Variants in PCDH9 observed in about 807,000 individuals in gnomAD.
PCDH9 encodes protocadherin-9.
Under a neutral mutation model 70.6 loss-of-function variants are expected in PCDH9, and 24 were observed. The ratio of observed to expected loss-of-function variants is 0.34; its 90% CI spans 0.25 to 0.48. The LOEUF (loss-of-function observed/expected upper bound fraction) is 0.48. Ranked by LOEUF, PCDH9 falls within the 20% of genes least tolerant of loss-of-function variation. PCDH9 has a pLI of 0.99. For missense variants in PCDH9, 1,281 were observed against 1,503.6 expected, an observed-to-expected ratio of 0.85 and a Z score of 2.45; for synonymous variants, 562 against 558.5, an observed-to-expected ratio of 1.01 and a Z score of -0.09.
chr13:66,577,795 G>T (rs1440714249), intron 4 of PCDH9, among the ~76,000 whole-genome samples: 1 of 151,960 alleles, frequency 6.6e-6, no homozygotes, highest in East Asian at 1.9e-4. Flanking sequence ...CTTTGACTGA[G>T]GATTCAGATG....
intron 3 of PCDH9, among the ~76,000 whole-genome samples, chr13:66,884,952 T>C (rs1475597323): frequency 6.6e-6 from 1 of 152,210 alleles, no homozygotes; most frequent in Admixed American, 6.5e-5. Context: ...GCCTGAATAT[T>C]ATTTCTGGTT....
chr13:66,622,322 T>C lies in PCDH9; in HGVS notation c.3340+8888A>G, dbSNP rs1294580627. Reference sequence around the variant, plus strand: ...CCAGTCCCATCGACCACCCAAGGGCTGAGGAGTACAGGCCCACAGCGTGGG... The same window carrying C: ...CCAGTCCCATCGACCACCCAAGGGCCGAGGAGTACAGGCCCACAGCGTGGG... On this transcript the variant is annotated intron_variant, in intron 4 of 4. Transcript: ENST00000377865. 5.9e-5 allele frequency among the ~76,000 whole-genome samples: 9 copies of C among 152,268 alleles called. No individual in the cohort carries two copies. The East Asian group carries it at 1.7e-3, about 30-fold the overall frequency.
intron 4 of PCDH9, among the ~76,000 whole-genome samples, chr13:66,492,307 A>G (rs889737223): frequency 6.6e-6 from 1 of 151,840 alleles, no homozygotes; most frequent in Non-Finnish European, 1.5e-5. Flanking sequence ...TCTTACATAG[A>G]CAGAAATCTC....
At chr13:66,950,275 A>G (rs1443074503) in intron 2 of PCDH9, among the ~76,000 whole-genome samples, 1 of 152,150 alleles carries the variant, frequency 6.6e-6, no homozygotes, top group African/African-American at 2.4e-5. Flanking sequence ...GAGCAAAATC[A>G]GATAGAAGAA....
At chr13:66,707,552 A>C (rs1432790820) in intron 3 of PCDH9, among the ~76,000 whole-genome samples, 1 of 152,248 alleles carries the variant, frequency 6.6e-6, no homozygotes, top group East Asian at 1.9e-4. Context: ...AAATGAGATT[A>C]CATAGGCGCT....
At chr13:67,158,432 G>T (rs2087869175) in intron 2 of PCDH9, among the ~76,000 whole-genome samples, 1 of 152,148 alleles carries the variant, frequency 6.6e-6, no homozygotes, top group South Asian at 2.1e-4. Flanking sequence ...GAATTTGTTT[G>T]TTGAAGCCTA....
rs181977168 is a variant in PCDH9, at chr13:66,983,781, G to A, written c.3037-80176C>T. 3.2e-3 allele frequency among the ~76,000 whole-genome samples: 489 copies of A among 151,946 alleles called. 6 individuals are homozygous for A. The highest frequency in any genetic ancestry group is 0.011 in the African/African-American group (466 of 41,458). ...TTGTTATGCAGATTATTTTGTGACCGAGGAGGTGCTAAGCCTAGTACCCAA... is the reference window on the plus strand; with the variant it reads ...TTGTTATGCAGATTATTTTGTGACCAAGGAGGTGCTAAGCCTAGTACCCAA... On this transcript the variant is annotated intron_variant, in intron 2 of 4. Transcript: ENST00000377865.
At chr13:67,060,358 A>G (rs1173951087) in intron 2 of PCDH9, among the ~76,000 whole-genome samples, 1 of 152,106 alleles carries the variant, frequency 6.6e-6, no homozygotes, top group Non-Finnish European at 1.5e-5. Context: ...ACACGCTCAC[A>G]TCTTGGAAGT....
chr13:67,194,328 C>G (rs185295784), intron 2 of PCDH9, among the ~76,000 whole-genome samples: 31 of 151,678 alleles, frequency 2.0e-4, no homozygotes, highest in Admixed American at 1.8e-3. Context: ...AAAATTCAAT[C>G]ATGACTGTGG....
chr13:67,082,185 T>C (rs774645094), intron 2 of PCDH9, among the ~76,000 whole-genome samples: 3 of 152,216 alleles, frequency 2.0e-5, no homozygotes, highest in Admixed American at 6.6e-5. Flanking sequence ...ATACAGTAAA[T>C]GTCTACGGTT....
chr13:66,916,356 GC>G (rs1164356273), intron 2 of PCDH9, among the ~76,000 whole-genome samples: 2 of 151,468 alleles, frequency 1.3e-5, no homozygotes, highest in Non-Finnish European at 3.0e-5. Flanking sequence ...AATCCAGATG[GC>G]CATTAATAGG....
intron 4 of PCDH9, among the ~76,000 whole-genome samples, chr13:66,630,941 CT>C (rs1214937505): frequency 2.0e-5 from 3 of 152,074 alleles, no homozygotes; most frequent in Non-Finnish European, 2.9e-5. Flanking sequence ...ATCAGAATAT[CT>C]TGCAACAAAT....
intron 3 of PCDH9, among the ~76,000 whole-genome samples, chr13:66,651,236 GT>G (rs1272368835): frequency 6.6e-6 from 1 of 151,580 alleles, no homozygotes; most frequent in Admixed American, 6.6e-5. Context: ...ACAAAAAAGT[GT>G]TTTTTAAATA....
rs1489971122 is a variant in PCDH9, at chr13:66,602,470, G to C, written c.3340+28740C>G. Among the ~76,000 whole-genome samples the C allele has an allele frequency of 2.1e-5, 3 of 145,330 alleles. 1 individual carries two copies. Among genetic ancestry groups the C allele is most frequent in the African/African-American group, 5.0e-5 (2 of 40,322 alleles). ...TAGGCCTAGATTAATGTGTGTGCTT[G>C]TGTCTTAGTTTTTAACAAACAAATT... On this transcript the variant is annotated intron_variant, in intron 4 of 4. Coordinates refer to ENST00000377865, the MANE Select transcript of PCDH9 (RefSeq NM_203487.3).
At chr13:66,571,785 C>T (rs985573234) in intron 4 of PCDH9, among the ~76,000 whole-genome samples, 31 of 151,898 alleles carry the variant, frequency 2.0e-4, no homozygotes, top group African/African-American at 6.8e-4. Flanking sequence ...AATGTTTGGG[C>T]AAAAATTAAC....
At chr13:66,795,364 T>C (rs1418703129) in intron 3 of PCDH9, among the ~76,000 whole-genome samples, 1 of 152,184 alleles carries the variant, frequency 6.6e-6, no homozygotes, top group Non-Finnish European at 1.5e-5. Flanking sequence ...CAATCTATCA[T>C]ACTACATATA....
intron 4 of PCDH9, among the ~76,000 whole-genome samples, chr13:66,453,653 A>G (rs1958260543): frequency 2.0e-5 from 3 of 152,182 alleles, no homozygotes; most frequent in Non-Finnish European, 4.4e-5. Context: ...ACGTCTGTAC[A>G]AATGCCATTT....
At position 67,226,073 on chromosome 13, in the gene PCDH9, T is replaced by C. The variant is rs901450591; in HGVS notation, c.2368A>G (p.Arg790Gly). 2 of 1,614,100 alleles carry C rather than the reference T, an allele frequency of 1.2e-6. No homozygotes were observed. The highest frequency in any genetic ancestry group is 3.3e-5 in the Admixed American group (2 of 60,020). ...NASYIYDLIR[R>G]TMETPLDRNI... ...CTGTCCAACGGGGTCTCCATAGTCC[T>C]GCGGATCAAGTCATAGATATAGGAG... The change falls in exon 2 of 5, where the codon AGG becomes GGG. Residue 790 changes from arginine to glycine, a missense_variant. Arg to Gly is a moderately radical substitution (Grantham distance 125). Coordinates refer to ENST00000377865, the MANE Select transcript of PCDH9 (RefSeq NM_203487.3). The surrounding 1 kb of genome is among the most constrained non-coding windows in gnomAD (Gnocchi z 5.0).
In PCDH9 at chr13:66,514,786, G is replaced by A. The variant is rs75071596; in HGVS notation, c.3340+116424C>T. Among the ~76,000 whole-genome samples the A allele has an allele frequency of 6.9e-3, 1,051 of 152,102 alleles. 11 individuals are homozygous for A. The highest frequency in any genetic ancestry group is 0.025 in the African/African-American group (1,031 of 41,530). On this transcript the variant is annotated intron_variant, in intron 4 of 4. Transcript: ENST00000377865. The stretch of plus-strand genomic sequence containing the variant: ...TTTCTGCCTGCTACATAATGTAAAA[G>A]CAATGAATGGCTATACTGCATCGTT...
Sources: gnomAD v4.1 joint callset for allele counts (sites outside exome capture counted in the v4.1 genomes callset) on GRCh38, gnomAD v4.1.1 for gene constraint, Gnocchi (gnomAD v3.1) non-coding constraint, MANE v1.5 for transcripts, NCBI Gene and HGNC (gene_info 2026-07-23, HGNC 2026-07-21) for gene names.